The following CDH6 variants were observed in gnomAD, a reference collection of about 807,000 sequenced individuals.
CDH6 encodes the protein cadherin 6.
CDH6 carries 31 observed loss-of-function variants against 78.0 expected under a neutral mutation model. The ratio of observed to expected loss-of-function variants is 0.40; its 90% CI spans 0.30 to 0.54. The LOEUF is 0.54. Among genes scored for constraint, CDH6 ranks in the 20% least tolerant of loss-of-function variants. The pLI is 0.56. For missense variants in CDH6, 724 were observed against 975.9 expected (o/e 0.74, Z 3.44); for synonymous variants, 376 against 368.8 (o/e 1.02, Z -0.23).
At chr5:31,263,950 C>T (rs928000867) in intron 1 of CDH6, among the ~76,000 whole-genome samples, 9 of 152,114 alleles carry the variant, frequency 5.9e-5, no homozygotes, top group African/African-American at 1.7e-4. Context: ...AAAATCTTAA[C>T]GTAATAAAAT....
chr5:31,300,990 G>C (rs765849630), intron 5 of CDH6, among the ~76,000 whole-genome samples: 8 of 152,100 alleles, frequency 5.3e-5, no homozygotes, highest in Non-Finnish European at 4.4e-5. Context: ...AGGCACGATG[G>C]TGTGCACCTG....
intron 1 of CDH6, among the ~76,000 whole-genome samples, chr5:31,201,375 T>A (rs966771422): frequency 6.6e-6 from 1 of 152,250 alleles, no homozygotes; most frequent in Non-Finnish European, 1.5e-5. Context: ...CTTATCTAAA[T>A]CAGTGATTCC....
At chr5:31,286,224 G>A (rs1449768208) in intron 2 of CDH6, among the ~76,000 whole-genome samples, 1 of 152,154 alleles carries the variant, frequency 6.6e-6, no homozygotes, top group Non-Finnish European at 1.5e-5. Context: ...CAGGTTTGGT[G>A]CCTTCCTTTA....
chr5:31,299,342 C>A (rs1418336583), intron 4 of CDH6, 122 bp from the exon 5 acceptor site: 2 of 698,476 alleles, frequency 2.9e-6, no homozygotes, highest in Non-Finnish European at 2.4e-6. Flanking sequence ...TTTTATGTCA[C>A]CATGACATCT....
intron 5 of CDH6, 127 bp downstream of exon 5, chr5:31,299,758 A>C: frequency 1.3e-6 from 1 of 745,948 alleles, no homozygotes; most frequent in South Asian, 1.8e-5. Flanking sequence ...TGGTACTTTT[A>C]TTAAAAATGA....
intron 2 of CDH6, among the ~76,000 whole-genome samples, chr5:31,269,376 A>G (rs544176089): frequency 1.4e-4 from 22 of 152,134 alleles, no homozygotes; most frequent in African/African-American, 4.8e-4. Context: ...GAATATTGCC[A>G]TGGGGAAAAG....
At chr5:31,205,562 G>C (rs910410551) in intron 1 of CDH6, among the ~76,000 whole-genome samples, 1 of 152,188 alleles carries the variant, frequency 6.6e-6, no homozygotes, top group African/African-American at 2.4e-5. Context: ...TTTGGAAACA[G>C]AATGTACCCC....
At chr5:31,274,233 C>CT (rs1274130559) in intron 2 of CDH6, among the ~76,000 whole-genome samples, 1 of 152,176 alleles carries the variant, frequency 6.6e-6, no homozygotes, top group African/African-American at 2.4e-5. Context: ...ACTGATTTCA[C>CT]TTTCTTAATG....
At chr5:31,199,419 TATGTACACAC>T (rs1740260686) in intron 1 of CDH6, among the ~76,000 whole-genome samples, 1 of 145,066 alleles carries the variant, frequency 6.9e-6, no homozygotes, top group Non-Finnish European at 1.5e-5. Flanking sequence ...ATGGTGTATA[TATGTACACAC>T]ATATGTGTAT....
Position 31,324,357 on chromosome 5 carries a change from A to G in CDH6, c.*1049A>G, listed in dbSNP as rs1738564361. 4.7e-6 allele frequency: 1 copy of G among 214,676 alleles called. No homozygotes were observed. The highest frequency in any genetic ancestry group is 2.3e-5 in the African/African-American group (1 of 44,430). 13.3% of individuals were successfully genotyped at this position (214,676 alleles called of 1,614,324 possible). A position where few individuals can be genotyped will look rare whatever the true frequency, so the allele number is the denominator to read the frequency against. On this transcript the variant is annotated 3_prime_UTR_variant, in exon 12 of 12. Transcript: ENST00000265071. ...AATAAAACTTAAATCTCACTCTAGG[A>G]GTTCAGTGGAGAGGTTAGAGCCAGC...
chr5:31,253,905 G>A (rs1356766592), intron 1 of CDH6, among the ~76,000 whole-genome samples: 1 of 151,462 alleles, frequency 6.6e-6, no homozygotes, highest in Non-Finnish European at 1.5e-5. Context: ...TTTAAAAAAA[G>A]AAAAGGTAAA....
intron 1 of CDH6, among the ~76,000 whole-genome samples, chr5:31,210,313 G>C (rs999258936): frequency 6.6e-6 from 1 of 151,994 alleles, no homozygotes; most frequent in Non-Finnish European, 1.5e-5. Flanking sequence ...CCAGGAGTTC[G>C]AGTTAACATG....
chr5:31,283,108 T>A (rs1390717951), intron 2 of CDH6, among the ~76,000 whole-genome samples: 1 of 152,224 alleles, frequency 6.6e-6, no homozygotes, highest in African/African-American at 2.4e-5. Flanking sequence ...TGGAAATATC[T>A]GGAGACATTT....
intron 2 of CDH6, among the ~76,000 whole-genome samples, chr5:31,281,714 T>C (rs950231800): frequency 6.6e-6 from 1 of 152,186 alleles, no homozygotes; most frequent in African/African-American, 2.4e-5. Context: ...GTTTGTATCA[T>C]TTGTGGCAGT....
intron 1 of CDH6, among the ~76,000 whole-genome samples, chr5:31,241,693 C>T (rs1340966820): frequency 6.6e-6 from 1 of 152,158 alleles, no homozygotes; most frequent in Admixed American, 6.5e-5. Context: ...AGCCTCTGAA[C>T]AAATGGAGTG....
At chr5:31,302,653 C>T (rs1208555364) in intron 6 of CDH6, among the ~76,000 whole-genome samples, 3 of 140,082 alleles carry the variant, frequency 2.1e-5, no homozygotes, top group African/African-American at 5.4e-5. Flanking sequence ...GCAGAGGTTG[C>T]AGTGAGCCAA....
intron 1 of CDH6, among the ~76,000 whole-genome samples, chr5:31,256,633 A>G (rs1281057834): frequency 6.6e-6 from 1 of 152,128 alleles, no homozygotes; most frequent in Non-Finnish European, 1.5e-5. Flanking sequence ...ACACTCCTGT[A>G]TTTCTTAATC....
At chr5:31,251,357 G>C (rs1741902396) in intron 1 of CDH6, 1 of 152,256 alleles carries the variant, frequency 6.6e-6, no homozygotes, top group Non-Finnish European at 1.5e-5. Context: ...CCTACTCCCT[G>C]CAATCCTCAC....
At chr5:31,267,172 A>G (rs1242134532) in intron 1 of CDH6, among the ~76,000 whole-genome samples, 174 bp from the exon 2 acceptor site, 1 of 152,154 alleles carries the variant, frequency 6.6e-6, no homozygotes, top group African/African-American at 2.4e-5. Flanking sequence ...TACCCAGCAC[A>G]TGCCTTCCAT....
Sources: gnomAD v4.1 joint callset for allele counts (sites outside exome capture counted in the v4.1 genomes callset) on GRCh38, gnomAD v4.1.1 for gene constraint, MANE v1.5 for transcripts, NCBI Gene and HGNC (gene_info 2026-07-23, HGNC 2026-07-21) for gene names.